CDH18: variants seen among roughly 807,000 people sequenced by gnomAD.
CDH18 encodes the protein cadherin 18.
Under a neutral mutation model 67.9 loss-of-function variants are expected in CDH18, and 31 were observed. The observed-to-expected ratio is 0.46, with a 90% CI of 0.34 to 0.62. CDH18 has a LOEUF of 0.62. Among genes scored for constraint, CDH18 ranks in the 20% least tolerant of loss-of-function variants. The pLI is 0.01. For synonymous variants in CDH18, 362 were observed against 347.2 expected (o/e 1.04, Z -0.48); for missense variants, 890 against 975.5 (o/e 0.91, Z 1.17).
chr5:20,145,247 T>C (rs1349634617), intron 2 of CDH18, among the ~76,000 whole-genome samples: 2 of 152,212 alleles, frequency 1.3e-5, no homozygotes, highest in Non-Finnish European at 1.5e-5. Context: ...ATTGATGAAG[T>C]ATTCTAATAA....
chr5:20,422,847 A>C (rs1475324952), intron 1 of CDH18, among the ~76,000 whole-genome samples: 1 of 151,170 alleles, frequency 6.6e-6, no homozygotes, highest in Non-Finnish European at 1.5e-5. Context: ...TATAAAGCTC[A>C]TAATCAAGTT....
At chr5:20,416,000 A>G (rs1241494969) in intron 1 of CDH18, among the ~76,000 whole-genome samples, 1 of 152,076 alleles carries the variant, frequency 6.6e-6, no homozygotes, top group Non-Finnish European at 1.5e-5. Flanking sequence ...AAAAAATAGG[A>G]GTTACTATTC....
intron 5 of CDH18, among the ~76,000 whole-genome samples, chr5:19,696,479 T>C (rs899150017): frequency 1.7e-4 from 25 of 151,066 alleles, no homozygotes; most frequent in African/African-American, 6.1e-4. Context: ...GAGTTTGCAG[T>C]GAGCCGAGAT....
chr5:20,181,463 C>G (rs958417500), intron 2 of CDH18, among the ~76,000 whole-genome samples: 1 of 152,008 alleles, frequency 6.6e-6, no homozygotes, highest in Non-Finnish European at 1.5e-5. Context: ...AGTAATGTGC[C>G]CCAACTGAGT....
intron 4 of CDH18, among the ~76,000 whole-genome samples, chr5:19,746,525 A>G (rs1454929537): frequency 6.6e-6 from 1 of 152,196 alleles, no homozygotes; most frequent in Non-Finnish European, 1.5e-5. Flanking sequence ...ATACACTGAA[A>G]GCTTAAAAGA....
At chr5:20,084,537 G>A (rs762053094) in intron 2 of CDH18, among the ~76,000 whole-genome samples, 1 of 152,164 alleles carries the variant, frequency 6.6e-6, no homozygotes, top group Non-Finnish European at 1.5e-5. Context: ...TGACCCAGTA[G>A]GAACTCTGTG....
At chr5:20,547,283 G>A (rs1312662367) in intron 1 of CDH18, among the ~76,000 whole-genome samples, 1 of 152,006 alleles carries the variant, frequency 6.6e-6, no homozygotes. Context: ...AATCAAACTG[G>A]CCAGGCATGG....
At chr5:19,719,933 G>GAAAGAA (rs1765835876) in intron 5 of CDH18, among the ~76,000 whole-genome samples, 1 of 150,976 alleles carries the variant, frequency 6.6e-6, no homozygotes, top group African/African-American at 2.4e-5. Flanking sequence ...AAGAAAGAAA[G>GAAAGAA]AAAGAAAGAA....
At chr5:20,441,114 C>G (rs1749573797) in intron 1 of CDH18, among the ~76,000 whole-genome samples, 1 of 151,458 alleles carries the variant, frequency 6.6e-6, no homozygotes, top group Admixed American at 6.6e-5. Flanking sequence ...AGGGGCCGCC[C>G]AAGAACAGAA....
At chr5:20,472,784 T>C (rs1051961471) in intron 1 of CDH18, among the ~76,000 whole-genome samples, 1 of 152,224 alleles carries the variant, frequency 6.6e-6, no homozygotes, top group Non-Finnish European at 1.5e-5. Flanking sequence ...ACCATTTTAT[T>C]CTACAAAACA....
intron 2 of CDH18, among the ~76,000 whole-genome samples, chr5:19,891,613 TGCCTCAAACA>T (rs1708273505): frequency 6.6e-6 from 1 of 152,116 alleles, no homozygotes; most frequent in South Asian, 2.1e-4. Context: ...CTGTTATAAG[TGCCTCAAACA>T]ACATTAACTG....
intron 9 of CDH18, among the ~76,000 whole-genome samples, chr5:19,541,515 C>A (rs142553289): frequency 3.9e-5 from 6 of 152,098 alleles, no homozygotes; most frequent in African/African-American, 1.4e-4. Flanking sequence ...AAGACATACC[C>A]GAGACTGGGT....
At chr5:20,546,089 G>A (rs983301421) in intron 1 of CDH18, among the ~76,000 whole-genome samples, 2 of 152,094 alleles carry the variant, frequency 1.3e-5, no homozygotes, top group Non-Finnish European at 2.9e-5. Flanking sequence ...GCAAAATGCT[G>A]CCAGTCTCTT....
chr5:20,503,776 G>A (rs1754481202), intron 1 of CDH18, among the ~76,000 whole-genome samples: 1 of 152,122 alleles, frequency 6.6e-6, no homozygotes, highest in African/African-American at 2.4e-5. Context: ...GGTGGCTCAC[G>A]CCTGTAATGT....
At chr5:20,162,554 G>T (rs1350346388) in intron 2 of CDH18, among the ~76,000 whole-genome samples, 1 of 148,752 alleles carries the variant, frequency 6.7e-6, no homozygotes, top group African/African-American at 2.5e-5. Flanking sequence ...CTTCTGTGTT[G>T]CCTCTCATAG....
intron 3 of CDH18, among the ~76,000 whole-genome samples, chr5:19,823,155 G>A (rs1780056042): frequency 6.6e-6 from 1 of 152,194 alleles, no homozygotes; most frequent in Admixed American, 6.5e-5. Flanking sequence ...TTTTCAAGGT[G>A]CCCAGATTTC....
At chr5:19,676,740 C>A (rs1051055687) in intron 5 of CDH18, among the ~76,000 whole-genome samples, 2 of 152,024 alleles carry the variant, frequency 1.3e-5, no homozygotes, top group Admixed American at 1.3e-4. Flanking sequence ...ACACACTGTG[C>A]ATGCTCACTT....
At chr5:20,015,490 A>C (rs771341806) in intron 2 of CDH18, among the ~76,000 whole-genome samples, 2 of 152,156 alleles carry the variant, frequency 1.3e-5, no homozygotes, top group African/African-American at 2.4e-5. Flanking sequence ...AAAAACTTAG[A>C]AAGACTAACA....
intron 5 of CDH18, among the ~76,000 whole-genome samples, chr5:19,676,831 T>A (rs1759553365): frequency 6.6e-6 from 1 of 151,816 alleles, no homozygotes; most frequent in Non-Finnish European, 1.5e-5. Flanking sequence ...GCCTATAGAG[T>A]CCTAGGATCC....
Sources: gnomAD v4.1 joint callset for allele counts (sites outside exome capture counted in the v4.1 genomes callset) on GRCh38, gnomAD v4.1.1 for gene constraint, MANE v1.5 for transcripts, NCBI Gene and HGNC (gene_info 2026-07-23, HGNC 2026-07-21) for gene names.